R3HCC1L: variants seen among roughly 807,000 people sequenced by gnomAD.
R3HCC1L encodes R3H domain and coiled-coil containing 1 like, also known as coiled-coil domain-containing protein R3HCC1L.
In R3HCC1L, 51 loss-of-function variants were observed where a neutral mutation model predicts 59.9. That is an observed-to-expected ratio of 0.85 (90% CI 0.68 to 1.07). R3HCC1L has a LOEUF of 1.07. Ranked by LOEUF, R3HCC1L falls within the 50% of genes least tolerant of loss-of-function variation. R3HCC1L has a pLI of 0.00. For synonymous variants in R3HCC1L, 322 were observed against 315.2 expected (o/e 1.02, Z -0.23); for missense variants, 965 against 933.0 (o/e 1.03, Z -0.45).
intron 9 of R3HCC1L, 110 bp downstream of exon 9, chr10:98,236,274 T>C: frequency 7.2e-7 from 1 of 1,379,644 alleles, no homozygotes; most frequent in South Asian, 1.3e-5. Context: ...TTCTGTTTCC[T>C]AGAAGCCTCC....
chr10:98,138,310 T>C (rs1844792662), intron 1 of R3HCC1L, among the ~76,000 whole-genome samples: 1 of 152,234 alleles, frequency 6.6e-6, no homozygotes, highest in African/African-American at 2.4e-5. Context: ...ACCAGACTTG[T>C]ATACAAAGCT....
At chr10:98,145,269 A>G (rs955536384) in intron 1 of R3HCC1L, among the ~76,000 whole-genome samples, 2 of 152,232 alleles carry the variant, frequency 1.3e-5, no homozygotes, top group East Asian at 1.9e-4. Flanking sequence ...ATGTGGAAAC[A>G]GAAGTAGGAA....
At chr10:98,217,560 T>A (rs1162572768) in intron 5 of R3HCC1L, among the ~76,000 whole-genome samples, 1 of 152,170 alleles carries the variant, frequency 6.6e-6, no homozygotes, top group Non-Finnish European at 1.5e-5. Context: ...AGAATTGTCG[T>A]TGGTATTTTG....
chr10:98,170,374 G>A (rs1320466397), intron 4 of R3HCC1L, among the ~76,000 whole-genome samples: 1 of 152,122 alleles, frequency 6.6e-6, no homozygotes, highest in African/African-American at 2.4e-5. Context: ...GGAGTACAGT[G>A]TCACAATCAT....
Position 98,186,561 on chromosome 10 carries a change from AAG to A in R3HCC1L, c.-14-21539_-14-21538del, listed in dbSNP as rs1461438012. Reference sequence around the variant, plus strand: ...GTCTTCTGAGACTCCAGAGTCACCTAAGGTAGTGACCATTGCCACTAACAGTT... The same window carrying A: ...GTCTTCTGAGACTCCAGAGTCACCTAGTAGTGACCATTGCCACTAACAGTT... On this transcript the variant is annotated intron_variant, in intron 4 of 9. Coordinates refer to ENST00000298999, the MANE Select transcript of R3HCC1L (RefSeq NM_001351015.2). 6.4e-4 allele frequency: 608 copies of A among 950,190 alleles called. 5 individuals carry two copies. The African/African-American group carries it at 9.5e-3, about 15-fold the overall frequency. 58.9% of individuals were successfully genotyped at this position (950,190 alleles called of 1,614,324 possible). A position where few individuals can be genotyped will look rare whatever the true frequency, so the allele number is the denominator to read the frequency against.
At chr10:98,136,999 A>T (rs1343723720) in intron 1 of R3HCC1L, among the ~76,000 whole-genome samples, 1 of 152,184 alleles carries the variant, frequency 6.6e-6, no homozygotes, top group African/African-American at 2.4e-5. Context: ...TCACGAGGTC[A>T]GGAGGTCGAG....
chr10:98,177,514 A>G (rs537319440), intron 4 of R3HCC1L, among the ~76,000 whole-genome samples: 1 of 152,370 alleles, frequency 6.6e-6, no homozygotes, highest in South Asian at 2.1e-4. Flanking sequence ...TCTTTATAGT[A>G]GCATGATTTA....
chr10:98,211,294 A>G, intron 5 of R3HCC1L: 1 of 1,472,718 alleles, frequency 6.8e-7, no homozygotes. Context: ...CTGTCTATTT[A>G]CAACTTTTTC....
At chr10:98,180,796 C>A (rs982169973) in intron 4 of R3HCC1L, among the ~76,000 whole-genome samples, 1 of 152,114 alleles carries the variant, frequency 6.6e-6, no homozygotes, top group African/African-American at 2.4e-5. Flanking sequence ...ATCCCTTTAC[C>A]ATTATGTAAT....
chr10:98,161,366 T>G (rs1336552266), intron 2 of R3HCC1L, among the ~76,000 whole-genome samples: 1 of 152,168 alleles, frequency 6.6e-6, no homozygotes, highest in Non-Finnish European at 1.5e-5. Context: ...AGGTTTTTGG[T>G]CCCCTCCCCT....
chr10:98,207,238 C>T (rs1020165376), intron 4 of R3HCC1L, among the ~76,000 whole-genome samples: 3 of 152,204 alleles, frequency 2.0e-5, no homozygotes, highest in African/African-American at 4.8e-5. Context: ...ATCCCTACTT[C>T]ATAGCATTAT....
At chr10:98,148,593 G>A (rs1845875570) in intron 1 of R3HCC1L, among the ~76,000 whole-genome samples, 1 of 152,128 alleles carries the variant, frequency 6.6e-6, no homozygotes, top group Non-Finnish European at 1.5e-5. Context: ...TTATCATAAA[G>A]GGATATTAGA....
chr10:98,183,056 A>T (rs185633891), intron 4 of R3HCC1L, among the ~76,000 whole-genome samples: 1 of 152,050 alleles, frequency 6.6e-6, no homozygotes. Flanking sequence ...CCACTGTCCA[A>T]CCAGTCCCAA....
At chr10:98,232,525 C>T (rs1856512340) in intron 6 of R3HCC1L, among the ~76,000 whole-genome samples, 1 of 151,978 alleles carries the variant, frequency 6.6e-6, no homozygotes, top group Admixed American at 6.6e-5. Flanking sequence ...AAATAAGCTT[C>T]AGGAATAAAG....
At chr10:98,236,567 G>A (rs1345912936) in intron 9 of R3HCC1L, among the ~76,000 whole-genome samples, 2 of 152,188 alleles carry the variant, frequency 1.3e-5, no homozygotes, top group South Asian at 2.1e-4. Context: ...TTAGATCTGA[G>A]GTAGAAGACA....
chr10:98,174,970 C>G (rs1317822408), intron 4 of R3HCC1L, among the ~76,000 whole-genome samples: 1 of 152,072 alleles, frequency 6.6e-6, no homozygotes, highest in Non-Finnish European at 1.5e-5. Context: ...ATATAGTTTT[C>G]TGTATCTACC....
intron 1 of R3HCC1L, among the ~76,000 whole-genome samples, chr10:98,146,948 G>C (rs1032854442): frequency 1.3e-5 from 2 of 152,130 alleles, no homozygotes; most frequent in Non-Finnish European, 2.9e-5. Flanking sequence ...TGGATCATAT[G>C]ATGACTCTAT....
chr10:98,180,528 A>G (rs1849521465), intron 4 of R3HCC1L, among the ~76,000 whole-genome samples: 1 of 152,120 alleles, frequency 6.6e-6, no homozygotes. Context: ...AGAAGAATGT[A>G]TATTCCGTTG....
intron 4 of R3HCC1L, among the ~76,000 whole-genome samples, chr10:98,205,657 G>A (rs1852555512): frequency 6.6e-6 from 1 of 152,110 alleles, no homozygotes; most frequent in South Asian, 2.1e-4. Flanking sequence ...CATTGCTTTG[G>A]TAGGAAATAG....
Sources: allele counts gnomAD v4.1 joint callset (sites outside exome capture counted in the v4.1 genomes callset), GRCh38; gene constraint gnomAD v4.1.1; transcripts MANE v1.5; gene names NCBI Gene and HGNC (gene_info 2026-07-23, HGNC 2026-07-21).